Variants in CDC14A observed in about 807,000 individuals in gnomAD.
The protein encoded by CDC14A is dual specificity protein phosphatase CDC14A.
A neutral mutation model predicts 74.4 loss-of-function variants in CDC14A; 53 were observed. The ratio of observed to expected loss-of-function variants is 0.71; its 90% confidence interval spans 0.57 to 0.89. CDC14A has a LOEUF of 0.89. CDC14A is among the 40% of genes least tolerant of loss of function. CDC14A has a pLI of 0.00. For missense variants in CDC14A, 646 were observed against 713.7 expected, an observed-to-expected ratio of 0.91 and a Z score of 1.08; for synonymous variants, 247 against 258.4, an observed-to-expected ratio of 0.96 and a Z score of 0.43.
At chr1:100,404,524 T>C (rs903815574) in intron 4 of CDC14A, among the ~76,000 whole-genome samples, 1 of 152,138 alleles carries the variant, frequency 6.6e-6, no homozygotes, top group African/African-American at 2.4e-5. Context: ...AGCAAATTCA[T>C]GGGTAATAAA....
At chr1:100,387,043 A>G (rs193253878) in intron 3 of CDC14A, among the ~76,000 whole-genome samples, 1 of 152,072 alleles carries the variant, frequency 6.6e-6, no homozygotes, top group Admixed American at 6.5e-5. Flanking sequence ...GCCCACTCAT[A>G]TAAAACATCA....
intron 8 of CDC14A, among the ~76,000 whole-genome samples, chr1:100,457,370 A>C (rs1421828240): frequency 1.3e-5 from 2 of 152,208 alleles, no homozygotes; most frequent in Admixed American, 1.3e-4. Context: ...ATAGCAGTAA[A>C]TGAAGATCCA....
intron 9 of CDC14A, among the ~76,000 whole-genome samples, chr1:100,467,267 C>T (rs1667929921): frequency 6.6e-6 from 1 of 152,110 alleles, no homozygotes. Context: ...CTCCCAATTA[C>T]TGGGAGATAA....
chr1:100,384,076 C>T (rs1400593786), intron 3 of CDC14A, among the ~76,000 whole-genome samples: 1 of 152,132 alleles, frequency 6.6e-6, no homozygotes, highest in African/African-American at 2.4e-5. Context: ...TTTTCTCTCT[C>T]CAAGTTGCTG....
intron 3 of CDC14A, among the ~76,000 whole-genome samples, chr1:100,382,356 T>C (rs1052519809): frequency 1.3e-5 from 2 of 150,676 alleles, no homozygotes; most frequent in East Asian, 1.9e-4. Context: ...ACTGGAAATA[T>C]AGGTGCACAC....
intron 4 of CDC14A, chr1:100,394,127 T>C (rs112376038): frequency 0.038 from 6,902 of 180,142 alleles, 543 homozygotes; most frequent in African/African-American, 0.16. Flanking sequence ...TATTTATTTA[T>C]TTATTGAGAC....
At chr1:100,485,294 C>T (rs1443996701) in intron 11 of CDC14A, 9 of 985,072 alleles carry the variant, frequency 9.1e-6, no homozygotes, top group Non-Finnish European at 1.1e-5. Context: ...CATTCAATTC[C>T]TAGTTTAGGT....
chr1:100,360,673 A>T (rs923383355), intron 2 of CDC14A, among the ~76,000 whole-genome samples: 1 of 152,182 alleles, frequency 6.6e-6, no homozygotes, highest in Non-Finnish European at 1.5e-5. Flanking sequence ...AATCCAGGGG[A>T]ATCAAATTTA....
rs188557928 is a variant in CDC14A at position 100,499,372 on chromosome 1, C to A, written c.1755+110C>A. 3.1e-6 allele frequency: 5 copies of A among 1,609,034 alleles called. No homozygotes were observed. In the South Asian group the frequency reaches 4.4e-5, roughly 14 times the overall value. On this transcript the variant is annotated intron_variant, in intron 15 of 15. Coordinates refer to ENST00000336454, the MANE Select transcript of CDC14A (RefSeq NM_003672.4). ...AAGAAATTTAATAGTGCCAAGGAAGCCTTCTGAGCGATGCCTTCCCTCTGT... is the reference window on the plus strand; with the variant it reads ...AAGAAATTTAATAGTGCCAAGGAAGACTTCTGAGCGATGCCTTCCCTCTGT...
At chr1:100,413,059 GA>G (rs1661082926) in intron 4 of CDC14A, among the ~76,000 whole-genome samples, 1 of 151,354 alleles carries the variant, frequency 6.6e-6, no homozygotes, top group South Asian at 2.1e-4. Flanking sequence ...CTGTCAAAAA[GA>G]AAAGAAAAAA....
At chr1:100,428,367 T>C (rs1384347025) in intron 5 of CDC14A, among the ~76,000 whole-genome samples, 1 of 152,200 alleles carries the variant, frequency 6.6e-6, no homozygotes, top group Non-Finnish European at 1.5e-5. Flanking sequence ...AGAGTGACTT[T>C]AGGTGAAAAT....
At position 100,517,920 on chromosome 1, in the gene CDC14A, T is replaced by C. The variant is rs576898137; in HGVS notation, c.1756-331T>C. The stretch of plus-strand genomic sequence containing the variant: ...AATTAGTTAAAAGTATCTTTTAATA[T>C]TGTTAAGTAAAACTCATTAATTGTA... On this transcript the variant is annotated intron_variant, in intron 15 of 15. Transcript: ENST00000336454. Among the ~76,000 whole-genome samples the C allele has an allele frequency of 1.6e-4, 25 of 152,344 alleles. 1 individual carries two copies. The highest frequency in any genetic ancestry group is 9.1e-4 in the Admixed American group (14 of 15,308).
intron 7 of CDC14A, among the ~76,000 whole-genome samples, chr1:100,444,718 A>G (rs544465269): frequency 4.6e-5 from 7 of 152,206 alleles, no homozygotes; most frequent in African/African-American, 1.4e-4. Context: ...CCTGCCTTCA[A>G]TTTCATGTGT....
chr1:100,440,368 C>T (rs1246930000), intron 6 of CDC14A, among the ~76,000 whole-genome samples: 2 of 152,128 alleles, frequency 1.3e-5, no homozygotes, highest in Non-Finnish European at 2.9e-5. Flanking sequence ...CTTGGTCCCA[C>T]CCCAGACCCA....
chr1:100,504,240 T>C (rs1035787567), intron 15 of CDC14A, among the ~76,000 whole-genome samples: 1 of 152,240 alleles, frequency 6.6e-6, no homozygotes, highest in Non-Finnish European at 1.5e-5. Flanking sequence ...AGCTTTGTTA[T>C]GCACTCTTCT....
At chr1:100,458,407 A>G (rs983620496) in intron 8 of CDC14A, among the ~76,000 whole-genome samples, 1 of 152,186 alleles carries the variant, frequency 6.6e-6, no homozygotes, top group African/African-American at 2.4e-5. Flanking sequence ...ATTTTATTCT[A>G]TGCATGTATT....
intron 8 of CDC14A, among the ~76,000 whole-genome samples, chr1:100,459,124 C>CAGAGAGAGAGAGAGAGAGAGAG (rs1212963314): frequency 1.0e-4 from 15 of 146,954 alleles, no homozygotes; most frequent in African/African-American, 3.5e-4. Context: ...CACACACACA[C>CAGAGAGAGAGAGAGAGAGAGAG]ACAGAGAGAG....
At chr1:100,383,141 C>T (rs767505373) in intron 3 of CDC14A, among the ~76,000 whole-genome samples, 33 of 152,146 alleles carry the variant, frequency 2.2e-4, no homozygotes, top group Non-Finnish European at 4.7e-4. Flanking sequence ...TGTCAACTCC[C>T]ATAGGAGCGA....
At chr1:100,486,850 T>C (rs1250081799) in intron 11 of CDC14A, among the ~76,000 whole-genome samples, 1 of 152,238 alleles carries the variant, frequency 6.6e-6, no homozygotes, top group African/African-American at 2.4e-5. Context: ...CTTTATTAGC[T>C]AGTTAATGGC....
Sources: allele counts gnomAD v4.1 joint callset (sites outside exome capture counted in the v4.1 genomes callset), GRCh38; gene constraint gnomAD v4.1.1; transcripts MANE v1.5; gene names NCBI Gene and HGNC (gene_info 2026-07-23, HGNC 2026-07-21).